The following NBAS variants were observed in gnomAD, a reference collection of about 807,000 sequenced individuals.
NBAS encodes the protein NBAS subunit of NRZ tethering complex.
NBAS carries 219 observed loss-of-function variants against 302.5 expected under a neutral mutation model. That is an observed-to-expected ratio of 0.72 (90% CI 0.65 to 0.81). The LOEUF (loss-of-function observed/expected upper bound fraction) is 0.81, where lower values mean the gene tolerates loss of function less well. NBAS is among the 30% of genes least tolerant of loss of function. NBAS has a pLI of 0.00. For synonymous variants in NBAS, 1,118 were observed against 1,021.6 expected (o/e 1.09, Z -1.80); for missense variants, 2,932 against 2,841.6 (o/e 1.03, Z -0.72).
the NBAS span, among the ~76,000 whole-genome samples, chr2:14,856,524 G>A: frequency 7.9e-5 from 12 of 152,258 alleles, no homozygotes; most frequent in Non-Finnish European, 1.0e-4. Flanking sequence ...CAAAACAGCT[G>A]TGTTAAGGAA....
At chr2:15,293,546 T>C (rs1670415095) in intron 40 of NBAS, among the ~76,000 whole-genome samples, 1 of 152,124 alleles carries the variant, frequency 6.6e-6, no homozygotes, top group Admixed American at 6.5e-5. Flanking sequence ...AGCTGAGCCA[T>C]GATTTTGGAA....
chr2:14,956,922 G>T, the NBAS span, among the ~76,000 whole-genome samples: 1 of 152,178 alleles, frequency 6.6e-6, no homozygotes, highest in Non-Finnish European at 1.5e-5. Flanking sequence ...CATATGCAAA[G>T]TGATCTTATT....
the NBAS span, among the ~76,000 whole-genome samples, chr2:14,993,822 A>G: frequency 6.6e-6 from 1 of 152,206 alleles, no homozygotes; most frequent in South Asian, 2.1e-4. Context: ...TATTTATTAA[A>G]AACATATCAT....
chr2:15,035,886 A>G, the NBAS span, among the ~76,000 whole-genome samples: 1 of 152,196 alleles, frequency 6.6e-6, no homozygotes, highest in South Asian at 2.1e-4. Flanking sequence ...ATCAAGAAAA[A>G]TATCTAATGC....
intron 36 of NBAS, among the ~76,000 whole-genome samples, chr2:15,329,183 T>C (rs1015000826): frequency 6.6e-6 from 1 of 152,228 alleles, no homozygotes; most frequent in Non-Finnish European, 1.5e-5. Context: ...CCAAGGTTTA[T>C]TGTGGTTACT....
the NBAS span, among the ~76,000 whole-genome samples, chr2:14,844,713 A>G: frequency 6.6e-6 from 1 of 152,092 alleles, no homozygotes; most frequent in Admixed American, 6.6e-5. Flanking sequence ...CATTCACTAC[A>G]AGCTGGCTGA....
At chr2:14,794,567 ATATATT>A in the NBAS span, among the ~76,000 whole-genome samples, 1 of 152,166 alleles carries the variant, frequency 6.6e-6, no homozygotes. Context: ...TGTTTTATTT[ATATATT>A]TATATCAATT....
chr2:14,980,049 T>G, the NBAS span, among the ~76,000 whole-genome samples: 33 of 152,194 alleles, frequency 2.2e-4, no homozygotes, highest in African/African-American at 7.9e-4. Context: ...TTACAAAAAA[T>G]GTAAAGACAC....
At chr2:14,812,382 C>A in the NBAS span, among the ~76,000 whole-genome samples, 20 of 152,300 alleles carry the variant, frequency 1.3e-4, no homozygotes, top group Non-Finnish European at 2.6e-4. Context: ...GAAGGGATGG[C>A]TTACCAGGAG....
the NBAS span, among the ~76,000 whole-genome samples, chr2:15,066,960 C>T: frequency 0.11 from 16,437 of 152,024 alleles, 1,011 homozygotes; most frequent in East Asian, 0.21. Context: ...ACCTAAGTGT[C>T]CATCAACAGA....
the NBAS span, among the ~76,000 whole-genome samples, chr2:14,912,236 G>A: frequency 3.3e-5 from 5 of 152,106 alleles, no homozygotes; most frequent in Non-Finnish European, 4.4e-5. Flanking sequence ...AACGTTACTA[G>A]GTGGAACATG....
At chr2:15,482,136 C>A (rs1203617756) in intron 12 of NBAS, among the ~76,000 whole-genome samples, 1 of 152,112 alleles carries the variant, frequency 6.6e-6, no homozygotes, top group Non-Finnish European at 1.5e-5. Context: ...GTCTTTATTT[C>A]TTTAATTTAA....
chr2:15,099,946 G>A, the NBAS span, among the ~76,000 whole-genome samples: 92 of 152,304 alleles, frequency 6.0e-4, no homozygotes, highest in African/African-American at 1.9e-3. Context: ...AATCTAGGGG[G>A]AAAATGACTA....
chr2:15,105,163 A>T, the NBAS span, among the ~76,000 whole-genome samples: 1 of 152,188 alleles, frequency 6.6e-6, no homozygotes, highest in Non-Finnish European at 1.5e-5. Flanking sequence ...CAGGAACAGA[A>T]AACCAAACAC....
intron 44 of NBAS, among the ~76,000 whole-genome samples, chr2:15,266,691 C>T (rs1239911269): frequency 2.6e-5 from 4 of 151,782 alleles, no homozygotes; most frequent in Non-Finnish European, 5.9e-5. Context: ...TGTTGGTTTC[C>T]CCTCATCCTC....
At chr2:14,909,604 A>G in the NBAS span, among the ~76,000 whole-genome samples, 1 of 152,324 alleles carries the variant, frequency 6.6e-6, no homozygotes, top group East Asian at 1.9e-4. Flanking sequence ...GGATATTTCT[A>G]TCGTCTCACA....
chr2:15,391,586 G>A (rs1675607714), intron 28 of NBAS, among the ~76,000 whole-genome samples: 1 of 152,042 alleles, frequency 6.6e-6, no homozygotes, highest in Non-Finnish European at 1.5e-5. Context: ...ATGTATAATT[G>A]GAGTCCTGAA....
At chr2:15,431,833 T>A (rs868597203) in intron 21 of NBAS, among the ~76,000 whole-genome samples, 3 of 151,816 alleles carry the variant, frequency 2.0e-5, no homozygotes, top group Non-Finnish European at 4.4e-5. Flanking sequence ...TCCCATTATA[T>A]CTCAGTTAAT....
intron 51 of NBAS, among the ~76,000 whole-genome samples, chr2:15,170,565 G>T (rs1308596641): frequency 6.6e-6 from 1 of 152,200 alleles, no homozygotes; most frequent in Non-Finnish European, 1.5e-5. Flanking sequence ...TTTGGCTTCA[G>T]ATAAAATCAA....
Sources: allele counts gnomAD v4.1 joint callset (sites outside exome capture counted in the v4.1 genomes callset), GRCh38; gene constraint gnomAD v4.1.1; transcripts MANE v1.5; gene names NCBI Gene and HGNC (gene_info 2026-07-23, HGNC 2026-07-21).